Variants in ANO10 observed in about 807,000 individuals in gnomAD.
ANO10 encodes anoctamin-10.
Under a neutral mutation model 74.7 loss-of-function variants are expected in ANO10, and 77 were observed. The observed-to-expected ratio is 1.03, with a 90% CI of 0.86 to 1.25. The LOEUF (loss-of-function observed/expected upper bound fraction) is 1.25. ANO10 is among the 50% of genes most tolerant of loss of function. ANO10 has a pLI of 0.00. For missense variants in ANO10, 721 were observed against 778.1 expected (o/e 0.93, Z 0.87); for synonymous variants, 279 against 284.9 (o/e 0.98, Z 0.21).
intron 11 of ANO10, among the ~76,000 whole-genome samples, chr3:43,511,392 C>A (rs1172617935): frequency 6.6e-6 from 1 of 152,134 alleles, no homozygotes; most frequent in East Asian, 1.9e-4. Context: ...GCTGACATTT[C>A]CAATTCTATT....
At chr3:43,647,153 A>ATGTGTGTGTG (rs57290936) in intron 1 of ANO10, among the ~76,000 whole-genome samples, 9,253 of 141,778 alleles carry the variant, frequency 0.065, 371 homozygotes, top group South Asian at 0.09. Context: ...ATGTGTATAT[A>ATGTGTGTGTG]TGTGTGTGTG....
In ANO10 at chr3:43,506,161, C is replaced by CAA. The variant is rs557759867; in HGVS notation, c.1797+43557_1797+43558dup. Reference sequence around the variant, plus strand: ...AGTATTATCTAGGACTTATTTGACACAAATCATTCATAACGTCATCCTTGT... The same window carrying CAA: ...AGTATTATCTAGGACTTATTTGACACAAAAATCATTCATAACGTCATCCTTGT... On this transcript the variant is annotated intron_variant, in intron 11 of 12. Coordinates refer to ENST00000292246, the MANE Select transcript of ANO10 (RefSeq NM_018075.5). Among the ~76,000 whole-genome samples, 8 of 152,238 alleles carry CAA rather than the reference C, an allele frequency of 5.3e-5. No individual in the cohort carries two copies. The South Asian group carries it at 1.5e-3, about 28-fold the overall frequency.
chr3:43,561,391 A>G lies in ANO10; in HGVS notation c.1305T>C (p.Thr435=). The change falls in exon 9 of 13, where the codon ACT becomes ACC. Residue 435 remains threonine, a synonymous_variant. Coordinates refer to ENST00000292246, the MANE Select transcript of ANO10 (RefSeq NM_018075.5). ...DMKLLRQSLA[T]LLITSQILNQ... ...TGAGGATCTGGGAGGTAATTAGGAG[A>G]GTGGCCAAGCTCTAAAGAGAAGCAC... The G allele has an allele frequency of 6.2e-7, 1 of 1,614,168 alleles. No homozygotes were observed. Among genetic ancestry groups the G allele is most frequent in the Middle Eastern group, 1.6e-4 (1 of 6,062 alleles).
chr3:43,378,410 T>C (rs954321537), intron 12 of ANO10, among the ~76,000 whole-genome samples: 1 of 152,226 alleles, frequency 6.6e-6, no homozygotes, highest in Admixed American at 6.5e-5. Context: ...CAGATCCTTA[T>C]GAAATGCAGC....
chr3:43,572,271 C>G (rs961019458), intron 7 of ANO10, among the ~76,000 whole-genome samples: 1 of 152,194 alleles, frequency 6.6e-6, no homozygotes, highest in Admixed American at 6.5e-5. Context: ...TGGGGAAGTG[C>G]TCTTCTTCCT....
At chr3:43,630,548 A>C (rs1362119574) in intron 1 of ANO10, among the ~76,000 whole-genome samples, 1 of 152,186 alleles carries the variant, frequency 6.6e-6, no homozygotes, top group Non-Finnish European at 1.5e-5. Flanking sequence ...ATAACCTCCT[A>C]TGAGTATATA....
At chr3:43,602,388 A>G (rs1015981806) in intron 2 of ANO10, among the ~76,000 whole-genome samples, 5 of 152,146 alleles carry the variant, frequency 3.3e-5, no homozygotes, top group African/African-American at 1.2e-4. Context: ...CCCAGGCTAG[A>G]GTGCAATGGT....
At chr3:43,520,826 A>G (rs2077921702) in intron 11 of ANO10, among the ~76,000 whole-genome samples, 1 of 152,164 alleles carries the variant, frequency 6.6e-6, no homozygotes, top group African/African-American at 2.4e-5. Flanking sequence ...GCTAGGATTT[A>G]AAATAGGGAT....
At chr3:43,489,882 A>G (rs556133800) in intron 11 of ANO10, among the ~76,000 whole-genome samples, 32 of 151,866 alleles carry the variant, frequency 2.1e-4, no homozygotes, top group Admixed American at 3.9e-4. Flanking sequence ...AAAAAAAACT[A>G]TCTTACAAAA....
intron 11 of ANO10, among the ~76,000 whole-genome samples, chr3:43,499,671 T>A (rs951766699): frequency 6.6e-6 from 1 of 151,806 alleles, no homozygotes; most frequent in African/African-American, 2.4e-5. Flanking sequence ...GAAAAAAAAA[T>A]ACTGCCAATT....
intron 11 of ANO10, among the ~76,000 whole-genome samples, chr3:43,451,135 C>T (rs1290728190): frequency 6.6e-6 from 1 of 152,174 alleles, no homozygotes; most frequent in East Asian, 1.9e-4. Flanking sequence ...AGGAGTTGGA[C>T]CTTGAGAGAG....
chr3:43,617,812 C>G (rs957283810), intron 1 of ANO10, among the ~76,000 whole-genome samples: 1 of 152,076 alleles, frequency 6.6e-6, no homozygotes, highest in Non-Finnish European at 1.5e-5. Flanking sequence ...TCACCTTATT[C>G]CAGATTCAAA....
At chr3:43,615,643 T>C (rs2083060256) in intron 1 of ANO10, among the ~76,000 whole-genome samples, 1 of 151,954 alleles carries the variant, frequency 6.6e-6, no homozygotes, top group South Asian at 2.1e-4. Context: ...TATGTGTATA[T>C]ATTTTTTGTT....
intron 1 of ANO10, among the ~76,000 whole-genome samples, chr3:43,654,663 C>G (rs529356102): frequency 1.3e-5 from 2 of 152,336 alleles, no homozygotes; most frequent in Non-Finnish European, 2.9e-5. Context: ...CTACTCCTCT[C>G]TTCTACCACT....
At chr3:43,511,357 C>T (rs1030770554) in intron 11 of ANO10, among the ~76,000 whole-genome samples, 5 of 152,072 alleles carry the variant, frequency 3.3e-5, no homozygotes, top group Non-Finnish European at 5.9e-5. Flanking sequence ...CTCAGAAAAA[C>T]GTTTTAGCAA....
intron 1 of ANO10, among the ~76,000 whole-genome samples, chr3:43,615,677 G>T (rs549264763): frequency 2.7e-5 from 4 of 150,650 alleles, no homozygotes; most frequent in Non-Finnish European, 5.9e-5. Flanking sequence ...TTCTTGAGAC[G>T]GAGTCTCATT....
chr3:43,613,971 A>T (rs1384559076), intron 1 of ANO10, among the ~76,000 whole-genome samples: 1 of 152,188 alleles, frequency 6.6e-6, no homozygotes, highest in Non-Finnish European at 1.5e-5. Context: ...GGAAGGGATG[A>T]TGGGAGCCAC....
intron 4 of ANO10, among the ~76,000 whole-genome samples, chr3:43,586,026 A>C (rs2149432967): frequency 6.6e-6 from 1 of 152,352 alleles, no homozygotes; most frequent in Middle Eastern, 3.4e-3. Flanking sequence ...CTGGAAAATC[A>C]GCCCTGGGTA....
At chr3:43,571,644 A>C (rs1439350151) in intron 7 of ANO10, among the ~76,000 whole-genome samples, 1 of 146,714 alleles carries the variant, frequency 6.8e-6, no homozygotes, top group Non-Finnish European at 1.5e-5. Flanking sequence ...ATGAGATCAC[A>C]TGGACACAGG....
Sources: gnomAD v4.1 joint callset for allele counts (sites outside exome capture counted in the v4.1 genomes callset) on GRCh38, gnomAD v4.1.1 for gene constraint, MANE v1.5 for transcripts, NCBI Gene and HGNC (gene_info 2026-07-23, HGNC 2026-07-21) for gene names.